Variants in MYO1B observed in about 807,000 individuals in gnomAD.
MYO1B encodes the protein myosin IB, also known as unconventional myosin-Ib.
MYO1B carries 72 observed loss-of-function variants against 159.7 expected under a neutral mutation model. That is an observed-to-expected ratio of 0.45 (90% CI 0.37 to 0.55). The LOEUF (loss-of-function observed/expected upper bound fraction) is 0.55, where lower values mean the gene tolerates loss of function less well. Ranked by LOEUF, MYO1B falls within the 20% of genes least tolerant of loss-of-function variation. The probability of loss-of-function intolerance (pLI) is 0.00; values close to 1 mark genes in which losing one functional copy is unlikely to be tolerated. For missense variants in MYO1B, 1,062 were observed against 1,364.8 expected (o/e 0.78, Z 3.50); for synonymous variants, 468 against 473.8 (o/e 0.99, Z 0.16).
intron 4 of MYO1B, among the ~76,000 whole-genome samples, chr2:191,341,172 T>C (rs749063272): frequency 6.6e-6 from 1 of 152,160 alleles, no homozygotes; most frequent in Non-Finnish European, 1.5e-5. Context: ...ATATAAATGA[T>C]TGCTTTAAGA....
At chr2:191,267,917 GA>G (rs527289524) in intron 1 of MYO1B, among the ~76,000 whole-genome samples, 14 of 152,286 alleles carry the variant, frequency 9.2e-5, no homozygotes, top group African/African-American at 2.6e-4. Context: ...AGCGATGATG[GA>G]AACCGTCCTG....
chr2:191,257,556 T>C (rs1686529886), intron 1 of MYO1B, among the ~76,000 whole-genome samples: 1 of 152,228 alleles, frequency 6.6e-6, no homozygotes, highest in Non-Finnish European at 1.5e-5. Flanking sequence ...CAGCGAACTT[T>C]CCAGCTTTTC....
At chr2:191,326,721 C>T (rs1354680726) in intron 3 of MYO1B, among the ~76,000 whole-genome samples, 1 of 151,306 alleles carries the variant, frequency 6.6e-6, no homozygotes, top group Non-Finnish European at 1.5e-5. Flanking sequence ...TTAAAATGAA[C>T]TCACAACAGG....
chr2:191,425,191 C>T lies in MYO1B; in HGVS notation c.*1231C>T, dbSNP rs1392285034. 1 of 151,956 alleles carries T rather than the reference C, an allele frequency of 6.6e-6. No individual in the cohort carries two copies. Among genetic ancestry groups the T allele is most frequent in the East Asian group, 1.9e-4 (1 of 5,190 alleles). The allele number at this position is 151,956 out of a possible 1,614,324, so 9.4% of individuals were successfully genotyped here. A position where few individuals can be genotyped will look rare whatever the true frequency, so the allele number is the denominator to read the frequency against. On this transcript the variant is annotated 3_prime_UTR_variant, in exon 31 of 31. Coordinates refer to ENST00000392318, the MANE Select transcript of MYO1B (RefSeq NM_001130158.3). ...CTGAATCACAACTGTATTTTTGTAT[C>T]TCAAGCTATTTTCATATGTTGTGTG...
chr2:191,287,065 C>T (rs1337676799), intron 2 of MYO1B, among the ~76,000 whole-genome samples: 1 of 152,142 alleles, frequency 6.6e-6, no homozygotes, highest in Non-Finnish European at 1.5e-5. Flanking sequence ...TGGCTCTTTA[C>T]AGTAGCCAAT....
chr2:191,386,713 A>G (rs1695419252), intron 16 of MYO1B, among the ~76,000 whole-genome samples: 1 of 152,216 alleles, frequency 6.6e-6, no homozygotes, highest in South Asian at 2.1e-4. Flanking sequence ...TAAAAAGTAT[A>G]TAGTACCTGA....
chr2:191,311,043 T>C (rs1022273072), intron 3 of MYO1B, among the ~76,000 whole-genome samples: 25 of 152,200 alleles, frequency 1.6e-4, no homozygotes, highest in African/African-American at 5.3e-4. Context: ...TTATTAACTC[T>C]TACGAAACCC....
chr2:191,276,673 G>A (rs1018314888), intron 1 of MYO1B, among the ~76,000 whole-genome samples: 3 of 152,148 alleles, frequency 2.0e-5, no homozygotes, highest in African/African-American at 7.2e-5. Context: ...GGACTGGGAA[G>A]GAGGTTCATT....
intron 3 of MYO1B, among the ~76,000 whole-genome samples, chr2:191,317,595 G>A (rs1363104290): frequency 3.9e-5 from 6 of 152,142 alleles, no homozygotes; most frequent in East Asian, 3.9e-4. Flanking sequence ...GTCATTTAGC[G>A]TTAGGTATAT....
chr2:191,295,981 T>C (rs188986898), intron 2 of MYO1B, 130 bp from the exon 3 acceptor site: 215 of 411,238 alleles, frequency 5.2e-4, no homozygotes, highest in Non-Finnish European at 1.7e-4. Flanking sequence ...TCTTAAAATG[T>C]ATACAATGAA....
intron 3 of MYO1B, among the ~76,000 whole-genome samples, chr2:191,309,052 A>T (rs140461797): frequency 6.6e-6 from 1 of 152,176 alleles, no homozygotes; most frequent in East Asian, 1.9e-4. Context: ...TGTGCTGATG[A>T]TGCCTCCCGG....
chr2:191,344,691 G>A (rs923356585), intron 5 of MYO1B, among the ~76,000 whole-genome samples: 10 of 151,288 alleles, frequency 6.6e-5, no homozygotes, highest in East Asian at 5.8e-4. Flanking sequence ...TTAGCCGGGC[G>A]TAGTGGCGGG....
chr2:191,257,712 G>T lies in MYO1B; in HGVS notation c.-10+12086G>T, dbSNP rs539057943. Among the ~76,000 whole-genome samples, 4 of 152,236 alleles carry T rather than the reference G, an allele frequency of 2.6e-5. No individual in the cohort carries two copies. The South Asian group carries it at 8.3e-4, about 32-fold the overall frequency. ...GACATAGATTTGAAAGAAGGTAGTGGGTTACAGTAATGTTACCTGCTATCA... is the reference window on the plus strand; with the variant it reads ...GACATAGATTTGAAAGAAGGTAGTGTGTTACAGTAATGTTACCTGCTATCA... On this transcript the variant is annotated intron_variant, in intron 1 of 30. Coordinates refer to ENST00000392318, the MANE Select transcript of MYO1B (RefSeq NM_001130158.3).
Position 191,253,938 on chromosome 2 carries a change from T to C in MYO1B, c.-10+8312T>C, listed in dbSNP as rs192524592. On this transcript the variant is annotated intron_variant, in intron 1 of 30. Transcript: ENST00000392318. The stretch of plus-strand genomic sequence containing the variant: ...TCAATGAAATTTTTATCATTTTGTA[T>C]GTAAAACTCTTTCATACCGCTTGTT... Among the ~76,000 whole-genome samples the C allele has an allele frequency of 4.4e-3, 677 of 152,358 alleles. 3 individuals carry two copies. Among genetic ancestry groups the C allele is most frequent in the African/African-American group, 0.016 (649 of 41,572 alleles).
chr2:191,290,010 T>A (rs1388548836), intron 2 of MYO1B, among the ~76,000 whole-genome samples: 1 of 152,250 alleles, frequency 6.6e-6, no homozygotes, highest in Non-Finnish European at 1.5e-5. Flanking sequence ...GCTAAAATAT[T>A]TAACTTTTTG....
At chr2:191,402,330 G>C (rs1696666097) in intron 23 of MYO1B, 1 of 377,046 alleles carries the variant, frequency 2.7e-6, no homozygotes, top group African/African-American at 2.1e-5. Flanking sequence ...GGAGAAGGCA[G>C]CGAACAGAGA....
intron 13 of MYO1B, 131 bp downstream of exon 13, chr2:191,370,423 C>T: frequency 1.5e-6 from 1 of 671,004 alleles, no homozygotes; most frequent in Non-Finnish European, 2.5e-6. Flanking sequence ...AGATGTAACA[C>T]ACTATCACTT....
chr2:191,357,633 G>A (rs1349930446), intron 7 of MYO1B, among the ~76,000 whole-genome samples: 1 of 152,150 alleles, frequency 6.6e-6, no homozygotes, highest in African/African-American at 2.4e-5. Flanking sequence ...GGCTCAATTG[G>A]CGGTGGTAGA....
intron 30 of MYO1B, among the ~76,000 whole-genome samples, chr2:191,418,464 C>T (rs2126189328): frequency 7.7e-6 from 1 of 130,116 alleles, no homozygotes; most frequent in South Asian, 2.7e-4. Context: ...AGTCAAAGTC[C>T]TGTTTACTCT....
Sources: gnomAD v4.1 joint callset for allele counts (sites outside exome capture counted in the v4.1 genomes callset) on GRCh38, gnomAD v4.1.1 for gene constraint, MANE v1.5 for transcripts, NCBI Gene and HGNC (gene_info 2026-07-23, HGNC 2026-07-21) for gene names.